Variants in CHCT1 observed in about 807,000 individuals in gnomAD.
CHCT1 encodes CHD1 helical C-terminal domain containing protein 1.
At chr17:60,428,297 G>A in the CHCT1 span, among the ~76,000 whole-genome samples, 1 of 152,128 alleles carries the variant, frequency 6.6e-6, no homozygotes, top group African/African-American at 2.4e-5. Context: ...ATCTGGCTGG[G>A]ATGAGAGCCG....
chr17:60,423,389 C>T, the CHCT1 span, among the ~76,000 whole-genome samples: 6 of 152,040 alleles, frequency 3.9e-5, no homozygotes, highest in East Asian at 5.8e-4. Context: ...GAGGGGGTTT[C>T]GCCATGTTGG....
At chr17:60,429,663 AGCCTGACAAGC>A in the CHCT1 span, 2 of 1,059,230 alleles carry the variant, frequency 1.9e-6, no homozygotes, top group African/African-American at 3.2e-5. Flanking sequence ...CTCTGCCCCC[AGCCTGACAAGC>A]TCCTCTTCCC....
the CHCT1 span, among the ~76,000 whole-genome samples, chr17:60,430,045 G>A: frequency 1.3e-5 from 2 of 148,440 alleles, no homozygotes; most frequent in African/African-American, 4.9e-5. Flanking sequence ...AGCTGGTCTT[G>A]AGCTCCTGAG....
chr17:60,424,675 G>A, the CHCT1 span, among the ~76,000 whole-genome samples: 6 of 152,096 alleles, frequency 3.9e-5, no homozygotes, highest in Non-Finnish European at 5.9e-5. Context: ...CTTGAGGTCA[G>A]GAGTTTGAGA....
chr17:60,422,322 C>T, the CHCT1 span: 3 of 685,298 alleles, frequency 4.4e-6, no homozygotes, highest in Non-Finnish European at 6.6e-6. Flanking sequence ...GCTGTGCGCT[C>T]TGCCAAAGTC....
the CHCT1 span, among the ~76,000 whole-genome samples, chr17:60,423,746 G>A: frequency 1.5e-4 from 23 of 152,290 alleles, 2 homozygotes; most frequent in South Asian, 2.5e-3. Context: ...GATTACAGGC[G>A]TGAGCCACTG....
chr17:60,421,986 C>T, the CHCT1 span: 1 of 973,130 alleles, frequency 1.0e-6, no homozygotes, highest in Non-Finnish European at 1.2e-6. Flanking sequence ...TCTTTATACA[C>T]CCCCAAAACA....
At chr17:60,429,158 G>A in the CHCT1 span, among the ~76,000 whole-genome samples, 1 of 152,164 alleles carries the variant, frequency 6.6e-6, no homozygotes, top group Non-Finnish European at 1.5e-5. Context: ...AAAGGACAAC[G>A]CAGGAGGACA....
At chr17:60,425,082 C>T in the CHCT1 span, among the ~76,000 whole-genome samples, 2 of 152,154 alleles carry the variant, frequency 1.3e-5, no homozygotes, top group African/African-American at 4.8e-5. Flanking sequence ...ATTTCATCCC[C>T]CGACTCTGAC....
At chr17:60,426,821 A>G in the CHCT1 span, 14 of 1,597,776 alleles carry the variant, frequency 8.8e-6, no homozygotes, top group Non-Finnish European at 1.1e-5. Flanking sequence ...GTTCCTGGTG[A>G]GGCGCAAGAC....
At chr17:60,422,416 G>A in the CHCT1 span, 3 of 1,458,292 alleles carry the variant, frequency 2.1e-6, no homozygotes, top group Admixed American at 2.2e-5. Flanking sequence ...CTAAGAATGA[G>A]GAAATGGGAG....
At chr17:60,431,177 T>C in the CHCT1 span, 3 of 1,586,798 alleles carry the variant, frequency 1.9e-6, no homozygotes, top group Admixed American at 1.7e-5. Flanking sequence ...CTTCTCTTTT[T>C]CAGATTCTTT....
chr17:60,426,107 C>CATCT, the CHCT1 span: 1 of 1,521,684 alleles, frequency 6.6e-7, no homozygotes, highest in Non-Finnish European at 8.9e-7. Flanking sequence ...TGGGACTGCC[C>CATCT]ATCTGCCTCT....
chr17:60,425,832 G>C, the CHCT1 span: 2 of 1,551,782 alleles, frequency 1.3e-6, no homozygotes, highest in Non-Finnish European at 1.7e-6. Flanking sequence ...AGCCCTGCTA[G>C]AGACTCGCTC....
At chr17:60,426,738 C>G in the CHCT1 span, 6 of 1,611,282 alleles carry the variant, frequency 3.7e-6, no homozygotes, top group Non-Finnish European at 4.2e-6. Context: ...CGGTTCATCT[C>G]CCTCTTCTCG....
chr17:60,424,745 C>T, the CHCT1 span, among the ~76,000 whole-genome samples: 4 of 152,020 alleles, frequency 2.6e-5, no homozygotes, highest in East Asian at 1.9e-4. Flanking sequence ...TTGTGGTGCA[C>T]GCCTGTAATC....
the CHCT1 span, chr17:60,422,474 C>T: frequency 2.0e-6 from 3 of 1,530,002 alleles, no homozygotes; most frequent in East Asian, 5.0e-5. Context: ...TGGCTTTGCT[C>T]CGAGTTCTGG....
chr17:60,429,661 C>A, the CHCT1 span: 1 of 1,142,512 alleles, frequency 8.8e-7, no homozygotes, highest in Non-Finnish European at 1.2e-6. Context: ...GCCTCTGCCC[C>A]CAGCCTGACA....
the CHCT1 span, among the ~76,000 whole-genome samples, chr17:60,427,302 G>T: frequency 6.6e-6 from 1 of 152,160 alleles, no homozygotes; most frequent in African/African-American, 2.4e-5. Context: ...TGGTACTTCT[G>T]GGTTGTTGCC....
Sources: allele counts gnomAD v4.1 joint callset (sites outside exome capture counted in the v4.1 genomes callset), GRCh38; gene constraint gnomAD v4.1.1; transcripts MANE v1.5; gene names NCBI Gene and HGNC (gene_info 2026-07-23, HGNC 2026-07-21).